NRG3: variants seen among roughly 807,000 people sequenced by gnomAD.
NRG3 encodes pro-neuregulin-3, membrane-bound isoform.
Under a neutral mutation model 66.9 loss-of-function variants are expected in NRG3, and 31 were observed. The ratio of observed to expected loss-of-function variants is 0.46; its 90% CI spans 0.35 to 0.63. The LOEUF (loss-of-function observed/expected upper bound fraction) is 0.63, where lower values mean the gene tolerates loss of function less well. Among genes scored for constraint, NRG3 ranks in the 20% least tolerant of loss-of-function variants. The pLI is 0.00. For missense variants in NRG3, 910 were observed against 878.9 expected (o/e 1.04, Z -0.45); for synonymous variants, 393 against 359.4 (o/e 1.09, Z -1.06).
intron 3 of NRG3, among the ~76,000 whole-genome samples, chr10:82,817,578 G>C (rs771962567): frequency 6.6e-6 from 1 of 152,178 alleles, no homozygotes; most frequent in South Asian, 2.1e-4. Flanking sequence ...TTTGATTCAG[G>C]TAAGCCTGGA....
intron 4 of NRG3, among the ~76,000 whole-genome samples, chr10:82,876,673 G>A (rs1403907628): frequency 6.6e-6 from 1 of 152,108 alleles, no homozygotes; most frequent in Non-Finnish European, 1.5e-5. Context: ...TCTGGGATGT[G>A]CTAAAATAAA....
At chr10:82,857,066 A>G (rs1235876988) in intron 3 of NRG3, among the ~76,000 whole-genome samples, 16 of 152,228 alleles carry the variant, frequency 1.1e-4, no homozygotes. Flanking sequence ...GCACTGCAAA[A>G]TTCTACCCAT....
At chr10:82,929,588 C>A (rs1455724899) in intron 4 of NRG3, among the ~76,000 whole-genome samples, 1 of 152,072 alleles carries the variant, frequency 6.6e-6, no homozygotes, top group Admixed American at 6.6e-5. Context: ...ATCAGTGTAG[C>A]ATTTGATTCC....
chr10:82,797,228 G>A (rs1429440928), intron 3 of NRG3, among the ~76,000 whole-genome samples: 1 of 152,136 alleles, frequency 6.6e-6, no homozygotes, highest in Admixed American at 6.5e-5. Flanking sequence ...TCTAATTCAT[G>A]GCTCTTCATC....
At chr10:82,334,131 C>T (rs2082269828) in intron 1 of NRG3, among the ~76,000 whole-genome samples, 2 of 113,382 alleles carry the variant, frequency 1.8e-5, no homozygotes, top group African/African-American at 4.0e-5. Flanking sequence ...GATGGCATGG[C>T]GTCTCAAAAA....
At chr10:82,156,096 A>G (rs1013153385) in intron 1 of NRG3, among the ~76,000 whole-genome samples, 1 of 151,708 alleles carries the variant, frequency 6.6e-6, no homozygotes, top group Non-Finnish European at 1.5e-5. Flanking sequence ...TGTAGAGAAC[A>G]GTGACTAGGG....
At chr10:82,804,149 G>A (rs1377145219) in intron 3 of NRG3, among the ~76,000 whole-genome samples, 2 of 152,164 alleles carry the variant, frequency 1.3e-5, no homozygotes, top group Non-Finnish European at 2.9e-5. Context: ...TGCAAGAGTG[G>A]TGATGCTGTC....
chr10:82,689,186 G>C (rs2054734712), intron 2 of NRG3, among the ~76,000 whole-genome samples: 1 of 152,084 alleles, frequency 6.6e-6, no homozygotes, highest in African/African-American at 2.4e-5. Context: ...CTTACAGCTT[G>C]ATTTTTTGAG....
chr10:82,160,093 C>G (rs1238030730), intron 1 of NRG3, among the ~76,000 whole-genome samples: 1 of 151,864 alleles, frequency 6.6e-6, no homozygotes, highest in Non-Finnish European at 1.5e-5. Flanking sequence ...AATTTAAGCT[C>G]TGTATTACCA....
chr10:82,905,414 G>A (rs1423908799), intron 4 of NRG3, among the ~76,000 whole-genome samples: 1 of 152,062 alleles, frequency 6.6e-6, no homozygotes, highest in African/African-American at 2.4e-5. Flanking sequence ...CATTCCACCA[G>A]GTTACCTGTT....
chr10:82,290,116 C>T (rs1008583006), intron 1 of NRG3, among the ~76,000 whole-genome samples: 6 of 152,172 alleles, frequency 3.9e-5, no homozygotes, highest in African/African-American at 1.2e-4. Context: ...ACCTGCATTC[C>T]TGCTGCACCG....
chr10:82,510,909 A>G (rs1845108460), intron 2 of NRG3, among the ~76,000 whole-genome samples: 1 of 152,192 alleles, frequency 6.6e-6, no homozygotes, highest in Admixed American at 6.5e-5. Context: ...GGATTGTTCA[A>G]TCTTGAATGC....
At chr10:82,254,542 C>T (rs1213458660) in intron 1 of NRG3, among the ~76,000 whole-genome samples, 2 of 152,086 alleles carry the variant, frequency 1.3e-5, no homozygotes, top group Non-Finnish European at 2.9e-5. Context: ...AACTTGGTTT[C>T]CTTGGAGAGA....
intron 1 of NRG3, among the ~76,000 whole-genome samples, chr10:82,125,538 T>C (rs1370413224): frequency 6.6e-6 from 1 of 152,058 alleles, no homozygotes; most frequent in Non-Finnish European, 1.5e-5. Flanking sequence ...TTAGTAAAGA[T>C]AAATTCTGAA....
At chr10:82,476,884 A>G (rs149272212) in intron 2 of NRG3, among the ~76,000 whole-genome samples, 29 of 152,312 alleles carry the variant, frequency 1.9e-4, no homozygotes, top group African/African-American at 6.7e-4. Flanking sequence ...ACAATAAAAA[A>G]TAGTAAAGTT....
chr10:82,960,594 G>A (rs1208421858), intron 6 of NRG3, among the ~76,000 whole-genome samples: 2 of 151,846 alleles, frequency 1.3e-5, no homozygotes, highest in Admixed American at 6.6e-5. Context: ...TGACCTGCAC[G>A]TGCACATCCA....
chr10:82,439,257 A>G (rs112977329), intron 2 of NRG3, among the ~76,000 whole-genome samples: 295 of 152,298 alleles, frequency 1.9e-3, no homozygotes, highest in East Asian at 0.013. Flanking sequence ...TATTAAATGC[A>G]TATATTAGTT....
chr10:82,618,679 TC>T (rs1421057319), intron 2 of NRG3, among the ~76,000 whole-genome samples: 1 of 151,992 alleles, frequency 6.6e-6, no homozygotes, highest in African/African-American at 2.4e-5. Context: ...TATAAAAACT[TC>T]CAATTCCAAA....
intron 2 of NRG3, among the ~76,000 whole-genome samples, chr10:82,674,171 G>A (rs900716139): frequency 1.3e-5 from 2 of 152,110 alleles, no homozygotes. Context: ...ATTTATTCAG[G>A]TTGGAATTGT....
Sources: gnomAD v4.1 joint callset for allele counts (sites outside exome capture counted in the v4.1 genomes callset) on GRCh38, gnomAD v4.1.1 for gene constraint, MANE v1.5 for transcripts, NCBI Gene and HGNC (gene_info 2026-07-23, HGNC 2026-07-21) for gene names.